The following IFT81 variants were observed in gnomAD, a reference collection of about 807,000 sequenced individuals.
IFT81 encodes the protein intraflagellar transport protein 81 homolog.
Under a neutral mutation model 102.6 loss-of-function variants are expected in IFT81, and 72 were observed. The ratio of observed to expected loss-of-function variants is 0.70; its 90% CI spans 0.58 to 0.85. The LOEUF is 0.85. Ranked by LOEUF, IFT81 falls within the 40% of genes least tolerant of loss-of-function variation. The pLI, the probability that IFT81 is intolerant of heterozygous loss-of-function variation, is 0.00. For synonymous variants in IFT81, 237 were observed against 242.7 expected (o/e 0.98, Z 0.22); for missense variants, 723 against 787.3 (o/e 0.92, Z 0.98).
At chr12:110,144,408 G>A (rs918648264) in intron 9 of IFT81, among the ~76,000 whole-genome samples, 1 of 151,462 alleles carries the variant, frequency 6.6e-6, no homozygotes, top group Admixed American at 6.6e-5. Flanking sequence ...GTAGAGACAG[G>A]GTTTCACCGT....
chr12:110,146,329 A>T (rs1358481766), intron 9 of IFT81, among the ~76,000 whole-genome samples: 2 of 152,220 alleles, frequency 1.3e-5, no homozygotes, highest in Non-Finnish European at 2.9e-5. Context: ...GATTATTAGC[A>T]CAGGAAGGGT....
chr12:110,144,863 CT>C (rs34675452), intron 9 of IFT81, among the ~76,000 whole-genome samples: 18,391 of 93,108 alleles, frequency 0.2, 1,282 homozygotes, highest in East Asian at 0.45. Flanking sequence ...GGTGCAGTGC[CT>C]TTTTTTTTTT....
intron 11 of IFT81, among the ~76,000 whole-genome samples, chr12:110,165,511 A>G (rs1896385755): frequency 6.6e-6 from 1 of 152,208 alleles, no homozygotes; most frequent in Non-Finnish European, 1.5e-5. Flanking sequence ...AATTAGTGGC[A>G]TGGTGTTTGG....
At chr12:110,181,287 C>T (rs1897307772) in intron 12 of IFT81, among the ~76,000 whole-genome samples, 2 of 152,222 alleles carry the variant, frequency 1.3e-5, no homozygotes, top group Non-Finnish European at 2.9e-5. Flanking sequence ...TGTGAATCAA[C>T]ATGGATTCTA....
chr12:110,143,261 T>C, intron 8 of IFT81, 121 bp from the exon 9 acceptor site: 1 of 470,844 alleles, frequency 2.1e-6, no homozygotes, highest in Non-Finnish European at 3.2e-6. Flanking sequence ...TACTATGCTA[T>C]ATATTATACA....
intron 4 of IFT81, 49 bp downstream of exon 4, chr12:110,129,179 G>T: frequency 7.5e-7 from 1 of 1,339,190 alleles, no homozygotes. Context: ...ATTTCAAGGT[G>T]TATATATTCA....
intron 18 of IFT81, among the ~76,000 whole-genome samples, chr12:110,212,833 A>T (rs1869630941): frequency 6.6e-6 from 1 of 151,950 alleles, no homozygotes; most frequent in African/African-American, 2.4e-5. Flanking sequence ...GCAAAACTCC[A>T]TCTCAAAGAA....
chr12:110,195,002 AT>A (rs1271514843), intron 14 of IFT81, among the ~76,000 whole-genome samples: 1 of 152,156 alleles, frequency 6.6e-6, no homozygotes, highest in Non-Finnish European at 1.5e-5. Flanking sequence ...TAAAAAAAGT[AT>A]TTTGTTTCTG....
chr12:110,141,021 C>G (rs1358425984), intron 8 of IFT81, among the ~76,000 whole-genome samples: 3 of 147,952 alleles, frequency 2.0e-5, no homozygotes, highest in African/African-American at 7.5e-5. Context: ...GCCACCACGC[C>G]TGGCCTATTT....
chr12:110,178,877 A>G (rs1161796451), intron 11 of IFT81, among the ~76,000 whole-genome samples: 1 of 151,442 alleles, frequency 6.6e-6, no homozygotes, highest in Non-Finnish European at 1.5e-5. Context: ...TTGGCCTCCC[A>G]AAGTGTTAGG....
At chr12:110,128,651 G>C (rs922599400) in intron 3 of IFT81, among the ~76,000 whole-genome samples, 1 of 151,640 alleles carries the variant, frequency 6.6e-6, no homozygotes, top group Non-Finnish European at 1.5e-5. Context: ...CAAAAAATCA[G>C]CTGGGCATGG....
At position 110,178,897 on chromosome 12, in the gene IFT81, G is replaced by A. The variant is rs149972589; in HGVS notation, c.1189-1525G>A. 6.3e-3 allele frequency among the ~76,000 whole-genome samples: 954 copies of A among 151,544 alleles called. 6 individuals carry two copies. The highest frequency in any genetic ancestry group is 0.022 in the African/African-American group (906 of 41,272). On this transcript the variant is annotated intron_variant, in intron 11 of 18. Transcript: ENST00000242591. Reference sequence around the variant, plus strand: ...CTCCCAAAGTGTTAGGATTATAGGCGTGAGCCACCACATCCAGCCTTGAAT... The same window carrying A: ...CTCCCAAAGTGTTAGGATTATAGGCATGAGCCACCACATCCAGCCTTGAAT...
chr12:110,201,780 T>C (rs1898292493), intron 14 of IFT81, among the ~76,000 whole-genome samples: 1 of 152,070 alleles, frequency 6.6e-6, no homozygotes, highest in Non-Finnish European at 1.5e-5. Context: ...TGTTAAAAAC[T>C]AAGACACACA....
At chr12:110,157,018 T>A (rs1895877026) in intron 10 of IFT81, among the ~76,000 whole-genome samples, 1 of 152,088 alleles carries the variant, frequency 6.6e-6, no homozygotes, top group Non-Finnish European at 1.5e-5. Context: ...AGTTTGATTT[T>A]TTTTTTTTTT....
At chr12:110,170,087 G>A (rs529228139) in intron 11 of IFT81, among the ~76,000 whole-genome samples, 10 of 151,864 alleles carry the variant, frequency 6.6e-5, no homozygotes, top group Non-Finnish European at 1.0e-4. Context: ...CGAGTAGCTG[G>A]GACTACAGGT....
chr12:110,133,964 A>G (rs1441669043), intron 5 of IFT81, among the ~76,000 whole-genome samples: 1 of 152,210 alleles, frequency 6.6e-6, no homozygotes, highest in Non-Finnish European at 1.5e-5. Context: ...AAATCATCAG[A>G]TATAAAATTA....
chr12:110,213,766 T>G (rs1869753488), intron 18 of IFT81, among the ~76,000 whole-genome samples: 1 of 152,216 alleles, frequency 6.6e-6, no homozygotes, highest in African/African-American at 2.4e-5. Flanking sequence ...CTTATGACTT[T>G]TAGATTGAAC....
At chr12:110,186,497 CT>C (rs1897536640) in intron 12 of IFT81, among the ~76,000 whole-genome samples, 1 of 134,826 alleles carries the variant, frequency 7.4e-6, no homozygotes, top group African/African-American at 2.5e-5. Context: ...TTCTTTCTTT[CT>C]TTTTTTATTT....
Position 110,209,217 on chromosome 12 carries a change from GT to G in IFT81, c.1848+2del. The G allele has an allele frequency of 6.7e-7, 1 of 1,500,870 alleles. No homozygotes were observed. Among genetic ancestry groups the G allele is most frequent in the Non-Finnish European group, 9.2e-7 (1 of 1,082,118 alleles). 93.0% of individuals were successfully genotyped at this position (1,500,870 alleles called of 1,614,324 possible). On this transcript the variant is annotated splice_donor_variant, in intron 18 of 18. Transcript: ENST00000242591. LOFTEE classifies it high-confidence loss of function. ...TGCTGAACAAGAAAACCTTGGAAAG[GT>G]AAGAATTATTATTTATTTTTTTAAA... is the stretch of plus-strand genomic sequence containing the variant.
Sources: gnomAD v4.1 joint callset for allele counts (sites outside exome capture counted in the v4.1 genomes callset) on GRCh38, gnomAD v4.1.1 for gene constraint, MANE v1.5 for transcripts, NCBI Gene and HGNC (gene_info 2026-07-23, HGNC 2026-07-21) for gene names.